RGPD8: variants seen among roughly 807,000 people sequenced by gnomAD.
RGPD8 encodes RANBP2 like and GRIP domain containing 8.
A neutral mutation model predicts 89.1 loss-of-function variants in RGPD8; 15 were observed. That is an observed-to-expected ratio of 0.17 (90% CI 0.11 to 0.26). The LOEUF (loss-of-function observed/expected upper bound fraction) is 0.26, where lower values mean the gene tolerates loss of function less well. Among genes scored for constraint, RGPD8 ranks in the 10% least tolerant of loss-of-function variants. The pLI, the probability that RGPD8 is intolerant of heterozygous loss-of-function variation, is 1.00. For missense variants in RGPD8, 178 were observed against 1,179.6 expected (o/e 0.15, Z 12.44); for synonymous variants, 62 against 420.9 (o/e 0.15, Z 10.44).
In RGPD8 at chr2:112,390,141, T is replaced by C. The variant is rs1313255060; in HGVS notation, c.2804A>G (p.Lys935Arg). 2.4e-5 allele frequency: 39 copies of C among 1,602,986 alleles called. 1 individual carries two copies. Among genetic ancestry groups the C allele is most frequent in the Non-Finnish European group, 3.2e-5 (38 of 1,175,830 alleles). ...GISEPGNQEK[K>R]REKPLENDTG... ...ATCATTTTCAAGAGGCTTTTCCCTT[T>C]TCTTTTCTTGATTTCCTGGTTCCGA... Residue 935 changes from lysine (K) to arginine (R), a missense_variant, in exon 20 of 23, where the codon AAA becomes AGA. By Grantham distance (26) the Lys-to-Arg change is conservative (BLOSUM62 2). Transcript: ENST00000302558.
In RGPD8 at chr2:112,432,659, C is replaced by T. The variant is rs1168127166; in HGVS notation, c.72+723G>A. On this transcript the variant is annotated intron_variant, in intron 1 of 22. Transcript: ENST00000302558. ...AATGTCCAGGACATGGGAAGAAACC[C>T]GCCGATACAGCACCCGGGTGCCCAA... 77 of 985,344 alleles carry T rather than the reference C, an allele frequency of 7.8e-5. No homozygotes were observed. In the South Asian group the frequency reaches 2.5e-3, roughly 32 times the overall value. 61.0% of individuals were successfully genotyped at this position (985,344 alleles called of 1,614,324 possible). A position where few individuals can be genotyped will look rare whatever the true frequency, so the allele number is the denominator to read the frequency against.
Position 112,390,146 on chromosome 2 carries a change from T to C in RGPD8, c.2799A>G (p.Glu933=). The C allele has an allele frequency of 1.2e-6, 2 of 1,602,498 alleles. No individual in the cohort carries two copies. Among genetic ancestry groups the C allele is most frequent in the Non-Finnish European group, 1.7e-6 (2 of 1,175,522 alleles). ...KFGISEPGNQ[E]KKREKPLEND... Reference sequence around the variant, plus strand: ...TTTCAAGAGGCTTTTCCCTTTTCTTTTCTTGATTTCCTGGTTCCGAAATGC... The same window carrying C: ...TTTCAAGAGGCTTTTCCCTTTTCTTCTCTTGATTTCCTGGTTCCGAAATGC... The change falls in exon 20 of 23, where the codon GAA becomes GAG. Residue 933 remains glutamate (E), a synonymous_variant. Coordinates refer to ENST00000302558, the MANE Select transcript of RGPD8 (RefSeq NM_001164463.1).
intron 1 of RGPD8, among the ~76,000 whole-genome samples, chr2:112,428,426 AGAGC>A (rs1424665700): frequency 6.6e-6 from 1 of 150,492 alleles, no homozygotes; most frequent in Admixed American, 6.6e-5. Flanking sequence ...CCTGGGCAAC[AGAGC>A]AAGACTCTGT....
chr2:112,431,153 G>A lies in RGPD8; in HGVS notation c.72+2229C>T, dbSNP rs1680012216. On this transcript the variant is annotated intron_variant, in intron 1 of 22. Coordinates refer to ENST00000302558, the MANE Select transcript of RGPD8 (RefSeq NM_001164463.1). The stretch of plus-strand genomic sequence containing the variant: ...TACACCTGTGGTCCCAACTACTCGG[G>A]AGACTGAGGTGGGAGGATCGCTTGA... Among the ~76,000 whole-genome samples, 3 of 152,280 alleles carry A rather than the reference G, an allele frequency of 2.0e-5. No homozygotes were observed. In the South Asian group the frequency reaches 6.2e-4, roughly 32 times the overall value.
intron 22 of RGPD8, among the ~76,000 whole-genome samples, chr2:112,374,550 T>C (rs1240865454): frequency 5.8e-5 from 8 of 137,418 alleles, no homozygotes; most frequent in Non-Finnish European, 8.0e-5. Flanking sequence ...TCTGGCTGCT[T>C]TTGAGATTTC....
At chr2:112,432,277 C>T (rs923673845) in intron 1 of RGPD8, among the ~76,000 whole-genome samples, 9 of 151,964 alleles carry the variant, frequency 5.9e-5, no homozygotes, top group East Asian at 1.9e-4. Context: ...CCTAAAAACA[C>T]TTGTGGAAAA....
At chr2:112,372,103 C>T (rs1342327965) in intron 22 of RGPD8, among the ~76,000 whole-genome samples, 1 of 36,146 alleles carries the variant, frequency 2.8e-5, no homozygotes, top group African/African-American at 1.2e-4. Flanking sequence ...GAAGGCTGGA[C>T]TGGAGAAGAA....
chr2:112,415,712 C>CA (rs1228042690), intron 6 of RGPD8, among the ~76,000 whole-genome samples: 1,693 of 91,316 alleles, frequency 0.019, 15 homozygotes, highest in Non-Finnish European at 0.027. Context: ...GACTCTGTCT[C>CA]AAAAAAAAAA....
intron 6 of RGPD8, among the ~76,000 whole-genome samples, chr2:112,413,185 A>T (rs1244785666): frequency 7.0e-6 from 1 of 142,784 alleles, no homozygotes; most frequent in Non-Finnish European, 1.5e-5. Context: ...CAATGGCACG[A>T]TCTAAGCTCA....
rs148055172 is a variant in RGPD8, at chr2:112,410,544, G to A, written c.978+1887C>T. 6.7e-4 allele frequency among the ~76,000 whole-genome samples: 102 copies of A among 151,934 alleles called. 1 individual carries two copies. The East Asian group carries it at 0.016, about 24-fold the overall frequency. On this transcript the variant is annotated intron_variant, in intron 7 of 22. Coordinates refer to ENST00000302558, the MANE Select transcript of RGPD8 (RefSeq NM_001164463.1). ...TGTAATCCCAGCACTTTGAGAGGCCGAGTTGGGTGGATCACGAGGTCAGAA... is the reference window on the plus strand; with the variant it reads ...TGTAATCCCAGCACTTTGAGAGGCCAAGTTGGGTGGATCACGAGGTCAGAA...
At chr2:112,370,347 G>GT (rs1220343166) in intron 22 of RGPD8, 135 bp from the exon 23 acceptor site, 8 of 279,010 alleles carry the variant, frequency 2.9e-5, no homozygotes, top group African/African-American at 2.1e-4. Flanking sequence ...GCCTTTTTTG[G>GT]TGGGGGGGGG....
At chr2:112,428,747 G>C (rs1334395674) in intron 1 of RGPD8, among the ~76,000 whole-genome samples, 1 of 152,382 alleles carries the variant, frequency 6.6e-6, no homozygotes, top group African/African-American at 2.4e-5. Context: ...ATGGGATTAT[G>C]TGACCAGTTT....
chr2:112,371,653 T>G (rs1236772379), intron 22 of RGPD8, among the ~76,000 whole-genome samples: 1 of 60,002 alleles, frequency 1.7e-5, no homozygotes, highest in East Asian at 5.1e-4. Context: ...GAGATATAAT[T>G]CATATACCAC....
At chr2:112,414,957 T>C (rs1232399948) in intron 6 of RGPD8, among the ~76,000 whole-genome samples, 2 of 110,246 alleles carry the variant, frequency 1.8e-5, no homozygotes, top group Non-Finnish European at 3.7e-5. Context: ...GAGACAGAGC[T>C]TGCAGTGAGC....
intron 1 of RGPD8, among the ~76,000 whole-genome samples, chr2:112,430,494 C>T (rs1679981649): frequency 6.6e-6 from 1 of 152,026 alleles, no homozygotes; most frequent in Non-Finnish European, 1.5e-5. Context: ...GTCATAATAA[C>T]CAATCGTCAA....
At chr2:112,370,678 A>T (rs1373048753) in intron 22 of RGPD8, among the ~76,000 whole-genome samples, 1 of 135,878 alleles carries the variant, frequency 7.4e-6, no homozygotes, top group East Asian at 2.1e-4. Flanking sequence ...ACCATATGTC[A>T]TTCTTTAGAC....
intron 4 of RGPD8, among the ~76,000 whole-genome samples, chr2:112,421,052 A>G (rs1292389062): frequency 6.6e-6 from 1 of 151,758 alleles, no homozygotes; most frequent in African/African-American, 2.4e-5. Context: ...TCCAATGAGC[A>G]TTTCTTTGAG....
intron 22 of RGPD8, 150 bp from the exon 23 acceptor site, chr2:112,370,362 CTTTTTTT>C: frequency 8.1e-5 from 9 of 110,914 alleles, no homozygotes; most frequent in East Asian, 3.9e-4. Context: ...GGGGGGGGTT[CTTTTTTT>C]TTTTTTTTTT....
In RGPD8 at chr2:112,429,658, T is replaced by TAA. The variant is rs1315011892; in HGVS notation, c.72+3722_72+3723dup. Among the ~76,000 whole-genome samples the TAA allele has an allele frequency of 1.2e-4, 18 of 151,954 alleles. 1 individual carries two copies. The Middle Eastern group carries it at 0.014, about 115-fold the overall frequency. On this transcript the variant is annotated intron_variant, in intron 1 of 22. Coordinates refer to ENST00000302558, the MANE Select transcript of RGPD8 (RefSeq NM_001164463.1). ...TGAGCAACACAGCAAGACCCTATTC[T>TAA]AAAAAACAAATAAATAAAAATAAGA...
Sources: gnomAD v4.1 joint callset for allele counts (sites outside exome capture counted in the v4.1 genomes callset) on GRCh38, gnomAD v4.1.1 for gene constraint, MANE v1.5 for transcripts, NCBI Gene and HGNC (gene_info 2026-07-23, HGNC 2026-07-21) for gene names.